Variants in RAB9B observed in about 807,000 individuals in gnomAD.
RAB9B encodes RAB9B, member RAS oncogene family, also known as ras-related protein Rab-9B.
In RAB9B, 1 loss-of-function variant was observed where a neutral mutation model predicts 8.9. That is an observed-to-expected ratio of 0.11 (90% CI 0.04 to 0.53). The LOEUF is 0.53. Ranked by LOEUF, RAB9B falls within the 20% of genes least tolerant of loss-of-function variation. RAB9B has a pLI of 0.93. For synonymous variants in RAB9B, 63 were observed against 57.0 expected (o/e 1.10, Z -0.47); for missense variants, 82 against 152.9 (o/e 0.54, Z 2.45).
chrX:103,819,234 C>T (rs1465524554), downstream of RAB9B, among the ~76,000 whole-genome samples: 1 of 111,734 alleles, frequency 8.9e-6, no homozygotes, highest in East Asian at 2.8e-4. Context: ...TTCTTTTTAT[C>T]AATCAGTTAA....
At chrX:103,810,446 A>T in the RAB9B span, among the ~76,000 whole-genome samples, 1 of 112,133 alleles carries the variant, frequency 8.9e-6, no homozygotes, top group Non-Finnish European at 1.9e-5. Context: ...TGAGACTTTA[A>T]GCAGGTCATG....
chrX:103,828,087 T>C (rs1296030092), intron 1 of RAB9B, among the ~76,000 whole-genome samples: 1 of 111,943 alleles, frequency 8.9e-6, no homozygotes, highest in Non-Finnish European at 1.9e-5. Flanking sequence ...TCAAGAGTAC[T>C]GGTTTAAGAA....
chrX:103,789,239 T>C, the RAB9B span: 1 of 682,697 alleles, frequency 1.5e-6, no homozygotes, highest in Non-Finnish European at 2.4e-6. Context: ...ACAAGAAAGA[T>C]ATCAACACAT....
At chrX:103,789,277 T>C in the RAB9B span, 2 of 821,749 alleles carry the variant, frequency 2.4e-6, no homozygotes, top group East Asian at 3.1e-5. Flanking sequence ...TGATTTACAG[T>C]GGAGCATATT....
downstream of RAB9B, among the ~76,000 whole-genome samples, chrX:103,821,133 C>G (rs767052944): frequency 9.1e-6 from 1 of 109,869 alleles, no homozygotes; most frequent in East Asian, 2.8e-4. Context: ...GGCCACTACA[C>G]TCTAGCCTGG....
At chrX:103,827,323 T>C (rs199563324) in intron 1 of RAB9B, among the ~76,000 whole-genome samples, 1 of 112,117 alleles carries the variant, frequency 8.9e-6, no homozygotes, top group East Asian at 2.8e-4. Flanking sequence ...TTTTTACATT[T>C]TATATTGTCT....
At chrX:103,811,592 GA>G in the RAB9B span, among the ~76,000 whole-genome samples, 5 of 110,694 alleles carry the variant, frequency 4.5e-5, no homozygotes, top group Admixed American at 9.6e-5. Context: ...AAATATTCTA[GA>G]AAAAAAATTT....
At chrX:103,779,616 T>C in the RAB9B span, among the ~76,000 whole-genome samples, 2 of 111,756 alleles carry the variant, frequency 1.8e-5, no homozygotes, top group Admixed American at 1.9e-4. Flanking sequence ...AGCCAGGCAG[T>C]TTGAAAGGTC....
chrX:103,788,554 C>T, the RAB9B span: 5 of 963,621 alleles, frequency 5.2e-6, no homozygotes, highest in Middle Eastern at 2.6e-4. Flanking sequence ...GTAGCTAATA[C>T]CATACAAATT....
intron 2 of RAB9B, among the ~76,000 whole-genome samples, 178 bp from the exon 3 acceptor site, chrX:103,826,004 T>C (rs1405261749): frequency 9.0e-6 from 1 of 111,647 alleles, no homozygotes; most frequent in African/African-American, 3.3e-5. Flanking sequence ...GAAAAATAGG[T>C]CTTGTTTTTC....
the RAB9B span, chrX:103,788,814 C>T: frequency 2.3e-5 from 8 of 342,016 alleles, no homozygotes; most frequent in African/African-American, 1.8e-4. Context: ...ATTTTCATTC[C>T]TTTAGTTAAA....
At chrX:103,790,540 T>C in the RAB9B span, 1 of 1,207,467 alleles carries the variant, frequency 8.3e-7, no homozygotes, top group Non-Finnish European at 1.1e-6. Context: ...ACCTTCATGA[T>C]TGCTGCCACT....
intron 1 of RAB9B, among the ~76,000 whole-genome samples, chrX:103,831,594 T>G (rs1251514936): frequency 7.7e-5 from 8 of 104,057 alleles, no homozygotes; most frequent in Non-Finnish European, 1.6e-4. Context: ...AGATAAGGTT[T>G]GGATGACATC....
At chrX:103,794,546 T>C in the RAB9B span, among the ~76,000 whole-genome samples, 1 of 111,634 alleles carries the variant, frequency 9.0e-6, no homozygotes, top group Non-Finnish European at 1.9e-5. Context: ...TAATGTAAGA[T>C]ATAACATATC....
chrX:103,797,088 T>A, the RAB9B span, among the ~76,000 whole-genome samples: 1 of 39,080 alleles, frequency 2.6e-5, no homozygotes, highest in Non-Finnish European at 6.1e-5. Context: ...GAAAGAGACC[T>A]TTTTTTTTTT....
chrX:103,821,352 CAA>C (rs72322529), downstream of RAB9B, among the ~76,000 whole-genome samples: 22,975 of 90,801 alleles, frequency 0.25, 2,284 homozygotes, highest in Non-Finnish European at 0.31. Context: ...GTACATGTGG[CAA>C]AAAAAAAAAA....
At chrX:103,783,228 G>T in the RAB9B span, among the ~76,000 whole-genome samples, 1 of 112,200 alleles carries the variant, frequency 8.9e-6, no homozygotes, top group African/African-American at 3.2e-5. Context: ...ACACATGCAT[G>T]CATGTGCGTG....
chrX:103,777,107 T>C, the RAB9B span: 4 of 645,256 alleles, frequency 6.2e-6, no homozygotes, highest in Admixed American at 1.0e-4. Flanking sequence ...GAGTCGTGTT[T>C]TGGCACTTGT....
chrX:103,786,240 A>G, the RAB9B span: 1 of 1,139,599 alleles, frequency 8.8e-7, no homozygotes, highest in Non-Finnish European at 1.2e-6. Flanking sequence ...AGGGTAAGCA[A>G]GGTGTGGCGG....
Sources: gnomAD v4.1 joint callset for allele counts (sites outside exome capture counted in the v4.1 genomes callset) on GRCh38, gnomAD v4.1.1 for gene constraint, MANE v1.5 for transcripts, NCBI Gene and HGNC (gene_info 2026-07-23, HGNC 2026-07-21) for gene names.